ODAD1: variants seen among roughly 807,000 people sequenced by gnomAD.
The protein encoded by ODAD1 is outer dynein arm docking complex subunit 1, also known as outer dynein arm-docking complex subunit 1.
A neutral mutation model predicts 67.2 loss-of-function variants in ODAD1; 49 were observed. That is an observed-to-expected ratio of 0.73 (90% CI 0.58 to 0.92). ODAD1 has a LOEUF of 0.92. Among genes scored for constraint, ODAD1 ranks in the 40% least tolerant of loss-of-function variants. The pLI is 0.00. For synonymous variants in ODAD1, 345 were observed against 393.7 expected, an observed-to-expected ratio of 0.88 and a Z score of 1.46; for missense variants, 897 against 953.7, an observed-to-expected ratio of 0.94 and a Z score of 0.78.
rs1423246658 is a variant in ODAD1, at chr19:48,321,945, C to T, written c.-331G>A. ...GAAGCAGCCAAAAACGCTTGGCCGC[C>T]TACCACGTCCGCGCGCTGGAGGGCG... On this transcript the variant is annotated 5_prime_UTR_variant, in exon 1 of 16. Transcript: ENST00000674294. 3 of 394,662 alleles carry T rather than the reference C, an allele frequency of 7.6e-6. No individual in the cohort carries two copies. The highest frequency in any genetic ancestry group is 4.1e-5 in the African/African-American group (2 of 48,546). The allele number at this position is 394,662 out of a possible 1,614,324, so 24.4% of individuals were successfully genotyped here.
intron 10 of ODAD1, chr19:48,303,448 G>A (rs1600861087): frequency 1.6e-6 from 1 of 623,282 alleles, no homozygotes; most frequent in African/African-American, 1.8e-5. Flanking sequence ...CCAGGCCCAG[G>A]AGTTAGGAGG....
rs748617932 is a variant in ODAD1 at position 48,297,567 on chromosome 19, A to G, written c.1581+23T>C. 5.1e-6 allele frequency: 8 copies of G among 1,582,084 alleles called. 1 individual carries two copies. In the Admixed American group the frequency reaches 7.3e-5, roughly 14 times the overall value. On this transcript the variant is annotated intron_variant, in intron 15 of 15. Transcript: ENST00000674294. ...CCGACACACACTGAGGCCTGGCCCC[A>G]CCCCCGCAGGCCCCACTCTCACCAG...
In ODAD1 at chr19:48,304,135, T is replaced by C; in HGVS notation, c.671A>G (p.Glu224Gly). The change falls in exon 9 of 16, where the codon GAG becomes GGG. Residue 224 changes from glutamate (E) to glycine (G), a missense_variant. Glu to Gly is a moderately conservative substitution (Grantham distance 98). Coordinates refer to ENST00000674294, the MANE Select transcript of ODAD1 (RefSeq NM_001364171.2). ...CAGCAAGCCCATCTTGGCCTTCGCC[T>C]CCTCCCTGCGGGGGTCAGCCGGGGT... ...SSTSAYAVRE[E>G]AKAKMGLLRE... 6.2e-7 allele frequency: 1 copy of C among 1,605,312 alleles called. No individual in the cohort carries two copies. The highest frequency in any genetic ancestry group is 1.3e-5 in the African/African-American group (1 of 74,876).
intron 1 of ODAD1, 170 bp downstream of exon 1, chr19:48,321,484 CGGGGCTTCGCAGACAGCGAGCGGA>C (rs1969028638): frequency 4.2e-6 from 1 of 236,774 alleles, no homozygotes; most frequent in South Asian, 1.7e-4. Context: ...CAGTACAGGA[CGGGGCTTCGCAGACAGCGAGCGGA>C]GGGGCTTCCC....
intron 12 of ODAD1, among the ~76,000 whole-genome samples, chr19:48,298,751 C>A (rs1196475426): frequency 6.6e-6 from 1 of 152,206 alleles, no homozygotes; most frequent in Non-Finnish European, 1.5e-5. Context: ...GCACCCCAGA[C>A]TGAGTTAGGG....
chr19:48,308,188 T>C (rs1968667481), intron 7 of ODAD1, among the ~76,000 whole-genome samples: 1 of 152,052 alleles, frequency 6.6e-6, no homozygotes, highest in African/African-American at 2.4e-5. Context: ...CTTTTTTTTT[T>C]TTTGAGACAG....
At chr19:48,304,505 A>T (rs575891670) in intron 8 of ODAD1, among the ~76,000 whole-genome samples, 9 of 152,126 alleles carry the variant, frequency 5.9e-5, no homozygotes, top group African/African-American at 2.2e-4. Flanking sequence ...TGTAATCCCA[A>T]CTACTTGGGA....
intron 8 of ODAD1, among the ~76,000 whole-genome samples, chr19:48,304,892 GT>G (rs34184893): frequency 0.26 from 39,373 of 152,062 alleles, 6,003 homozygotes; most frequent in African/African-American, 0.43. Context: ...GTGGCAGGTA[GT>G]TTTCCTTTTG....
At chr19:48,312,727 T>G (rs1043718523) in intron 5 of ODAD1, among the ~76,000 whole-genome samples, 1 of 152,140 alleles carries the variant, frequency 6.6e-6, no homozygotes, top group Admixed American at 6.5e-5. Flanking sequence ...CTGACTCCTT[T>G]CCTGATAGTC....
chr19:48,314,842 G>A (rs1968856848), intron 5 of ODAD1, among the ~76,000 whole-genome samples: 1 of 152,002 alleles, frequency 6.6e-6, no homozygotes, highest in Non-Finnish European at 1.5e-5. Flanking sequence ...TCGGGTGGCT[G>A]AAGCACGAGA....
Position 48,298,235 on chromosome 19 carries a change from C to T in ODAD1, c.1346G>A (p.Ser449Asn). 6.2e-7 allele frequency: 1 copy of T among 1,614,074 alleles called. No individual in the cohort carries two copies. Among genetic ancestry groups the T allele is most frequent in the South Asian group, 1.1e-5 (1 of 91,086 alleles). Residue 449 changes from serine (S) to asparagine (N), a missense_variant, in exon 13 of 16, where the codon AGC becomes AAC. By Grantham distance (46) the Ser-to-Asn change is conservative. Transcript: ENST00000674294. ...CTCCACCAGCCGCTTCTCAATGAGG[C>T]TCAGGAAGAGGCCCATGTCCCGGTC... ...MGDRDMGLFL[S>N]LIEKRLVELL... is the part of the protein sequence containing the mutation.
chr19:48,312,400 GTTTTTTTTTTTGT>G (rs1301308538), intron 5 of ODAD1, among the ~76,000 whole-genome samples: 4 of 120,814 alleles, frequency 3.3e-5, no homozygotes, highest in Non-Finnish European at 6.6e-5. Flanking sequence ...ACTCCTTTCC[GTTTTTTTTTTTGT>G]TTTTTTTTTT....
intron 7 of ODAD1, among the ~76,000 whole-genome samples, chr19:48,307,197 AAAAGAAAG>A (rs374738840): frequency 1.8e-4 from 28 of 152,136 alleles, no homozygotes; most frequent in Non-Finnish European, 2.5e-4. Flanking sequence ...AAGAAAAAAA[AAAAGAAAG>A]AAAGAAAGAA....
chr19:48,299,564 G>A lies in ODAD1; in HGVS notation c.1241-1224C>T, dbSNP rs558094629. Among the ~76,000 whole-genome samples the A allele has an allele frequency of 2.0e-5, 3 of 152,264 alleles. No homozygotes were observed. In the South Asian group the frequency reaches 6.2e-4, roughly 32 times the overall value. ...CACACCTGTAATCCCAGCACTTTGG[G>A]AAGCCAAGGCGGGTGGATCACCTCA... On this transcript the variant is annotated intron_variant, in intron 12 of 15. Transcript: ENST00000674294.
At chr19:48,304,255 T>C in intron 8 of ODAD1, 115 bp from the exon 9 acceptor site, 1 of 1,059,160 alleles carries the variant, frequency 9.4e-7, no homozygotes. Flanking sequence ...AGTCAGCTGG[T>C]GTCCCAGATG....
intron 5 of ODAD1, among the ~76,000 whole-genome samples, chr19:48,314,811 C>T (rs774788148): frequency 9.9e-5 from 15 of 151,898 alleles, no homozygotes; most frequent in African/African-American, 3.6e-4. Context: ...CGTAATGGCA[C>T]GTGACTGTAA....
rs775308970 is a variant in ODAD1, at chr19:48,303,055, C to T, written c.1029G>A (p.Glu343=). ...RNFAEFNFIN[E]QNLELEHVQE... Reference sequence around the variant, plus strand: ...GCACATGCTCCAGCTCCAAGTTCTGCTCGTTGATGAAGTTGAACTCAGCAA... The same window carrying T: ...GCACATGCTCCAGCTCCAAGTTCTGTTCGTTGATGAAGTTGAACTCAGCAA... The change falls in exon 11 of 16, where the codon GAG becomes GAA. Residue 343 remains glutamate, a synonymous_variant. Transcript: ENST00000674294. The T allele has an allele frequency of 1.1e-5, 17 of 1,613,992 alleles. No individual in the cohort carries two copies. Among genetic ancestry groups the T allele is most frequent in the Admixed American group, 1.7e-5 (1 of 59,994 alleles).
At chr19:48,306,190 G>C in intron 8 of ODAD1, 66 bp downstream of exon 8, 2 of 1,546,710 alleles carry the variant, frequency 1.3e-6, no homozygotes, top group Non-Finnish European at 1.7e-6. Flanking sequence ...TCCCATCACT[G>C]CCTTATGGAA....
chr19:48,319,470 G>C (rs1309516506), intron 3 of ODAD1: 1 of 983,656 alleles, frequency 1.0e-6, no homozygotes, highest in African/African-American at 1.7e-5. Context: ...CATCTCCAAA[G>C]GCCCAGTAGT....
Sources: allele counts gnomAD v4.1 joint callset (sites outside exome capture counted in the v4.1 genomes callset), GRCh38; gene constraint gnomAD v4.1.1; transcripts MANE v1.5; gene names NCBI Gene and HGNC (gene_info 2026-07-23, HGNC 2026-07-21).